Variants in ZNF439 observed in about 807,000 individuals in gnomAD.
ZNF439 encodes zinc finger protein 439.
ZNF439 carries 40 observed loss-of-function variants against 47.3 expected under a neutral mutation model. The ratio of observed to expected loss-of-function variants is 0.85; its 90% confidence interval spans 0.66 to 1.10. The LOEUF (loss-of-function observed/expected upper bound fraction) is 1.10, where lower values mean the gene tolerates loss of function less well. Among genes scored for constraint, ZNF439 ranks in the 50% least tolerant of loss-of-function variants. The pLI is 0.00. For missense variants in ZNF439, 556 were observed against 601.1 expected (o/e 0.93, Z 0.78); for synonymous variants, 171 against 198.8 (o/e 0.86, Z 1.18).
chr19:11,868,657 C>A lies in ZNF439; in HGVS notation c.*88C>A. On this transcript the variant is annotated 3_prime_UTR_variant, in exon 4 of 4. Coordinates refer to ENST00000682736, the MANE Select transcript of ZNF439 (RefSeq NM_001348719.2). The stretch of plus-strand genomic sequence containing the variant: ...ACACTGGAGAGAAACCCTATAAATG[C>A]AAGCAATGTGGTAAAGCCTTAATTG... 2 of 1,370,930 alleles carry A rather than the reference C, an allele frequency of 1.5e-6. No homozygotes were observed. The highest frequency in any genetic ancestry group is 2.0e-5 in the Admixed American group (1 of 49,360). The allele number at this position is 1,370,930 out of a possible 1,614,324, so 84.9% of individuals were successfully genotyped here.
intron 1 of ZNF439, among the ~76,000 whole-genome samples, chr19:11,863,713 T>C (rs1976601533): frequency 6.6e-6 from 1 of 152,186 alleles, no homozygotes; most frequent in South Asian, 2.1e-4. Context: ...AAATCCAAGG[T>C]TGTCTTGGTT....
rs147448252 is a variant in ZNF439, at chr19:11,861,092, A to G, written c.64-5113A>G. 2.1e-3 allele frequency among the ~76,000 whole-genome samples: 326 copies of G among 152,288 alleles called. 4 individuals carry two copies. The highest frequency in any genetic ancestry group is 0.01 in the Middle Eastern group (3 of 294). ...TGGTTTGTCCCTGCATTCTCCAAATATACGGGATGCAGGGCCTCAAATCCT... is the reference window on the plus strand; with the variant it reads ...TGGTTTGTCCCTGCATTCTCCAAATGTACGGGATGCAGGGCCTCAAATCCT... On this transcript the variant is annotated intron_variant, in intron 1 of 3. Transcript: ENST00000682736.
intron 1 of ZNF439, among the ~76,000 whole-genome samples, chr19:11,858,467 GAAA>G (rs34251067): frequency 2.9e-5 from 3 of 104,688 alleles, no homozygotes; most frequent in Admixed American, 1.9e-4. Flanking sequence ...CTCCATCTCG[GAAA>G]AAAAAAAAAA....
chr19:11,853,225 G>A (rs1192750167), intron 1 of ZNF439, among the ~76,000 whole-genome samples: 2 of 152,154 alleles, frequency 1.3e-5, no homozygotes, highest in Non-Finnish European at 2.9e-5. Flanking sequence ...CACCACGCCT[G>A]GCCTAAATTA....
chr19:11,864,002 T>G (rs1976608499), intron 1 of ZNF439, among the ~76,000 whole-genome samples: 1 of 152,098 alleles, frequency 6.6e-6, no homozygotes, highest in African/African-American at 2.4e-5. Context: ...TTTTTAATAC[T>G]TGTCTTTATA....
In ZNF439 at chr19:11,868,009, C is replaced by T. The variant is rs200586753; in HGVS notation, c.955C>T (p.Arg319Cys). 1.6e-4 allele frequency: 258 copies of T among 1,614,032 alleles called. No homozygotes were observed. Among genetic ancestry groups the T allele is most frequent in the Non-Finnish European group, 2.0e-4 (232 of 1,180,000 alleles). The change falls in exon 4 of 4, where the codon CGT becomes TGT. Residue 319 changes from arginine to cysteine, a missense_variant. Arg to Cys is a radical substitution (Grantham distance 180, BLOSUM62 -3). Transcript: ENST00000682736. ...GKAFMCPRYV[R>C]RHERTHSRKK... ...AGCATTCATGTGTCCCCGTTATGTT[C>T]GTAGACATGAAAGGACCCACTCTAG... is the stretch of plus-strand genomic sequence containing the variant.
At position 11,868,345 on chromosome 19, in the gene ZNF439, C is replaced by T. The variant is rs1287120375; in HGVS notation, c.1291C>T (p.Gln431Ter). The change falls in exon 4 of 4, where the codon CAA becomes TAA. Residue 431 changes from glutamine (Q) to a stop codon, truncating the protein, a stop_gained. Transcript: ENST00000682736. LOFTEE classifies it high-confidence loss of function. ...GKAFRSAPNL[Q>*]LHGRTHTGEK... ...AGCCTTCAGATCTGCCCCAAATCTT[C>T]AATTGCATGGTAGGACTCACACTGG... is the stretch of plus-strand genomic sequence containing the variant. 2.5e-6 allele frequency: 4 copies of T among 1,602,152 alleles called. No individual in the cohort carries two copies. The African/African-American group carries it at 5.4e-5, about 21-fold the overall frequency.
At chr19:11,864,799 CTT>C (rs945441722) in intron 1 of ZNF439, among the ~76,000 whole-genome samples, 2 of 144,784 alleles carry the variant, frequency 1.4e-5, no homozygotes. Flanking sequence ...TTCTTTCTTT[CTT>C]TTTTTTTTTT....
Position 11,855,610 on chromosome 19 carries a change from G to A in ZNF439, c.63+6680G>A, listed in dbSNP as rs1407151033. Among the ~76,000 whole-genome samples, 6 of 152,070 alleles carry A rather than the reference G, an allele frequency of 3.9e-5. No individual in the cohort carries two copies. The East Asian group carries it at 5.8e-4, about 15-fold the overall frequency. Reference sequence around the variant, plus strand: ...GGGAGTTAGGGGTCCTGGAGCCCACGGTCCCTGATCATGATAGATTTCAGA... The same window carrying A: ...GGGAGTTAGGGGTCCTGGAGCCCACAGTCCCTGATCATGATAGATTTCAGA... On this transcript the variant is annotated intron_variant, in intron 1 of 3. Transcript: ENST00000682736.
At chr19:11,857,902 C>T (rs1776406618) in intron 1 of ZNF439, 1 of 152,144 alleles carries the variant, frequency 6.6e-6, no homozygotes, top group Non-Finnish European at 1.5e-5. Flanking sequence ...AAGCCTGCTT[C>T]CTTTCTCTGA....
At chr19:11,861,766 T>C (rs1384557687) in intron 1 of ZNF439, among the ~76,000 whole-genome samples, 3 of 152,246 alleles carry the variant, frequency 2.0e-5, no homozygotes, top group South Asian at 2.1e-4. Context: ...CACAATGCCA[T>C]GTTGGTGGGA....
rs758727818 is a variant in ZNF439 at position 11,867,497 on chromosome 19, C to CA, written c.443_444insA (p.Gly149TrpfsTer6). On this transcript the variant is annotated frameshift_variant, in exon 4 of 4. Transcript: ENST00000682736. LOFTEE classifies it high-confidence loss of function. ...TCTAATATGAACATCAGAGGTGACA[C>CA]TGGACACAAGGCATGTGAATGTCAG... 13 of 1,614,002 alleles carry CA rather than the reference C, an allele frequency of 8.1e-6. No individual in the cohort carries two copies. The South Asian group carries it at 1.4e-4, about 18-fold the overall frequency.
intron 1 of ZNF439, chr19:11,857,500 A>G (rs1230929663): frequency 6.6e-6 from 1 of 152,250 alleles, no homozygotes; most frequent in Non-Finnish European, 1.5e-5. Flanking sequence ...GCACTGGCCC[A>G]GGAGTCCTGT....
At chr19:11,862,795 C>G (rs1440915650) in intron 1 of ZNF439, among the ~76,000 whole-genome samples, 1 of 151,742 alleles carries the variant, frequency 6.6e-6, no homozygotes, top group Non-Finnish European at 1.5e-5. Context: ...TTTGCCCAGG[C>G]TGGAATGCAA....
At chr19:11,855,310 G>C (rs2551866) in intron 1 of ZNF439, among the ~76,000 whole-genome samples, 34,813 of 152,144 alleles carry the variant, frequency 0.23, 4,529 homozygotes, top group Non-Finnish European at 0.3. Context: ...GGTCCATGGA[G>C]GGGGGTAGGA....
intron 1 of ZNF439, among the ~76,000 whole-genome samples, chr19:11,853,911 G>C (rs1976316829): frequency 6.6e-6 from 1 of 152,174 alleles, no homozygotes; most frequent in South Asian, 2.1e-4. Context: ...TCTAGGCCTT[G>C]CAGGAATTCA....
Position 11,848,967 on chromosome 19 carries a change from G to C in ZNF439, c.63+37G>C, listed in dbSNP as rs950394653. ...GGCCGGGAGTGGTGCGATGGGGGAG[G>C]GGCTGCCTGGAACTGGCGGGACCCG... On this transcript the variant is annotated intron_variant, in intron 1 of 3. Coordinates refer to ENST00000682736, the MANE Select transcript of ZNF439 (RefSeq NM_001348719.2). 5 of 1,518,474 alleles carry C rather than the reference G, an allele frequency of 3.3e-6. No homozygotes were observed. In the African/African-American group the frequency reaches 7.0e-5, roughly 21 times the overall value. The allele number at this position is 1,518,474 out of a possible 1,614,324, so 94.1% of individuals were successfully genotyped here. A position where few individuals can be genotyped will look rare whatever the true frequency, so the allele number is the denominator to read the frequency against.
At chr19:11,865,907 A>T in intron 1 of ZNF439, 1 of 618,232 alleles carries the variant, frequency 1.6e-6, no homozygotes, top group Non-Finnish European at 2.3e-6. Context: ...CATGCCTGTA[A>T]TCCCAGCTAC....
intron 1 of ZNF439, chr19:11,857,122 C>A (rs1057420896): frequency 2.0e-5 from 3 of 152,142 alleles, no homozygotes; most frequent in African/African-American, 4.8e-5. Flanking sequence ...AGCTGCACGC[C>A]CTTTGGAAGA....
Sources: allele counts gnomAD v4.1 joint callset (sites outside exome capture counted in the v4.1 genomes callset), GRCh38; gene constraint gnomAD v4.1.1; transcripts MANE v1.5; gene names NCBI Gene and HGNC (gene_info 2026-07-23, HGNC 2026-07-21).